NUP155: variants seen among roughly 807,000 people sequenced by gnomAD.
NUP155 encodes the protein nucleoporin 155.
In NUP155, 71 loss-of-function variants were observed where a neutral mutation model predicts 180.4. The ratio of observed to expected loss-of-function variants is 0.39; its 90% CI spans 0.33 to 0.48. The LOEUF (loss-of-function observed/expected upper bound fraction) is 0.48. Ranked by LOEUF, NUP155 falls within the 20% of genes least tolerant of loss-of-function variation. The pLI, the probability that NUP155 is intolerant of heterozygous loss-of-function variation, is 0.91. For missense variants in NUP155, 1,553 were observed against 1,648.9 expected (o/e 0.94, Z 1.01); for synonymous variants, 582 against 559.5 (o/e 1.04, Z -0.57).
Position 37,302,915 on chromosome 5 carries a change from G to T in NUP155, c.3318-7C>A. 6.2e-7 allele frequency: 1 copy of T among 1,613,664 alleles called. No homozygotes were observed. The highest frequency in any genetic ancestry group is 8.5e-7 in the Non-Finnish European group (1 of 1,179,836). Reference sequence around the variant, plus strand: ...CTGAAGTGAAATTTCTGTGCTAGAAGGGAAAACGCTTATTTTTAGTTACAC... The same window carrying T: ...CTGAAGTGAAATTTCTGTGCTAGAATGGAAAACGCTTATTTTTAGTTACAC... On this transcript the variant is annotated splice_polypyrimidine_tract_variant and splice_region_variant and intron_variant, in intron 28 of 34. Transcript: ENST00000231498.
At chr5:37,368,049 G>A (rs1438046696) in intron 1 of NUP155, among the ~76,000 whole-genome samples, 1 of 151,996 alleles carries the variant, frequency 6.6e-6, no homozygotes, top group East Asian at 1.9e-4. Flanking sequence ...CCAAAGTGCT[G>A]GGATTATGGG....
intron 1 of NUP155, among the ~76,000 whole-genome samples, chr5:37,364,667 C>T (rs528346438): frequency 1.0e-3 from 157 of 150,396 alleles, no homozygotes; most frequent in Non-Finnish European, 1.8e-3. Context: ...GATAGAGTCT[C>T]GCACTGTCGC....
At position 37,305,108 on chromosome 5, in the gene NUP155, T is replaced by G. The variant is rs1743078332; in HGVS notation, c.3006A>C (p.Pro1002=). The stretch of plus-strand genomic sequence containing the variant: ...GCATATTTGGATCAGATGACAACAC[T>G]GGAGGACCAGGTTTTTTGGGTACAC... ...SPSVPKKPGP[P]VLSSDPNMLS... The change falls in exon 26 of 35, where the codon CCA becomes CCC. Residue 1002 remains proline (P), a synonymous_variant. Transcript: ENST00000231498. 6.2e-7 allele frequency: 1 copy of G among 1,614,004 alleles called. No individual in the cohort carries two copies. Among genetic ancestry groups the G allele is most frequent in the South Asian group, 1.1e-5 (1 of 91,076 alleles).
At chr5:37,340,558 C>G (rs1222198183) in intron 11 of NUP155, among the ~76,000 whole-genome samples, 6 of 152,098 alleles carry the variant, frequency 3.9e-5, no homozygotes, top group African/African-American at 9.7e-5. Flanking sequence ...TATAGACCAA[C>G]AGAATAGAAC....
chr5:37,345,510 CA>C (rs570982659), intron 9 of NUP155, among the ~76,000 whole-genome samples: 546 of 67,128 alleles, frequency 8.1e-3, no homozygotes, highest in Middle Eastern at 0.025. Context: ...GACTCCATTT[CA>C]AAAAAAAAAA....
At chr5:37,357,554 T>A (rs1454196825) in intron 4 of NUP155, among the ~76,000 whole-genome samples, 1 of 151,500 alleles carries the variant, frequency 6.6e-6, no homozygotes, top group South Asian at 2.1e-4. Context: ...GCAAATAAAA[T>A]AAAATTCAAA....
At chr5:37,350,080 G>A (rs1008242401) in intron 7 of NUP155, 80 bp downstream of exon 7, 1 of 960,814 alleles carries the variant, frequency 1.0e-6, no homozygotes, top group Non-Finnish European at 1.7e-6. Context: ...AATTAAGAAT[G>A]ATAATTTCTG....
At chr5:37,356,408 C>T (rs781021160) in intron 4 of NUP155, among the ~76,000 whole-genome samples, 14 of 151,806 alleles carry the variant, frequency 9.2e-5, no homozygotes, top group Admixed American at 1.3e-4. Flanking sequence ...TTTGGGAGAC[C>T]GATGTGGGAG....
At chr5:37,368,212 T>C (rs976336878) in intron 1 of NUP155, among the ~76,000 whole-genome samples, 11 of 27,168 alleles carry the variant, frequency 4.0e-4, no homozygotes, top group South Asian at 3.3e-3. Context: ...GCCAGGCCTT[T>C]TTTTTTTTTT....
intron 1 of NUP155, among the ~76,000 whole-genome samples, chr5:37,366,658 C>CA (rs1464534142): frequency 8.5e-5 from 9 of 105,360 alleles, no homozygotes; most frequent in African/African-American, 3.2e-4. Flanking sequence ...AGGATAGTCT[C>CA]AATCTTTTTT....
At chr5:37,309,956 G>C (rs1056406769) in intron 23 of NUP155, among the ~76,000 whole-genome samples, 4 of 152,062 alleles carry the variant, frequency 2.6e-5, no homozygotes, top group African/African-American at 9.7e-5. Context: ...GCCGAGGCAG[G>C]AGAATCACTT....
At chr5:37,362,514 C>G (rs1308766915) in intron 3 of NUP155, among the ~76,000 whole-genome samples, 1 of 152,058 alleles carries the variant, frequency 6.6e-6, no homozygotes, top group Non-Finnish European at 1.5e-5. Context: ...TCTCGAACTC[C>G]CGACTGCAGG....
chr5:37,328,249 A>G, intron 17 of NUP155, 109 bp downstream of exon 17: 1 of 872,454 alleles, frequency 1.1e-6, no homozygotes, highest in Non-Finnish European at 1.8e-6. Context: ...AATTATATTT[A>G]TTTTCAAGGG....
At position 37,291,735 on chromosome 5, in the gene NUP155, A is replaced by G; in HGVS notation, c.*165T>C. 1.8e-6 allele frequency: 1 copy of G among 547,074 alleles called. No individual in the cohort carries two copies. The highest frequency in any genetic ancestry group is 3.6e-5 in the Admixed American group (1 of 27,912). The allele number at this position is 547,074 out of a possible 1,614,324, so 33.9% of individuals were successfully genotyped here. On this transcript the variant is annotated 3_prime_UTR_variant, in exon 35 of 35. Coordinates refer to ENST00000231498, the MANE Select transcript of NUP155 (RefSeq NM_153485.3). ...CTAAAAAACAAAATAGTCATAAAAAAGAATTCATTTAGCAAAGGTACTATT... is the reference window on the plus strand; with the variant it reads ...CTAAAAAACAAAATAGTCATAAAAAGGAATTCATTTAGCAAAGGTACTATT...
chr5:37,351,226 A>G lies in NUP155; in HGVS notation c.687T>C (p.Ala229=), dbSNP rs1197882996. The change falls in exon 6 of 35, where the codon GCT becomes GCC. Residue 229 remains alanine, a synonymous_variant. Transcript: ENST00000231498. ...CTTCATATAAACAGCCATCCTTTCC[A>G]GCCAAGAAAATTCTGCCATTATCAG... The part of the protein sequence containing the change: ...TSTDNGRIFL[A]GKDGCLYEVA... 6.2e-7 allele frequency: 1 copy of G among 1,613,850 alleles called. No homozygotes were observed. The highest frequency in any genetic ancestry group is 8.5e-7 in the Non-Finnish European group (1 of 1,179,926).
rs958907285 is a variant in NUP155, at chr5:37,307,579, T to C, written c.2768-147A>G. 3 of 800,496 alleles carry C rather than the reference T, an allele frequency of 3.7e-6. No homozygotes were observed. The African/African-American group carries it at 5.2e-5, about 14-fold the overall frequency. 49.6% of individuals were successfully genotyped at this position (800,496 alleles called of 1,614,324 possible). On this transcript the variant is annotated intron_variant, in intron 24 of 34. Coordinates refer to ENST00000231498, the MANE Select transcript of NUP155 (RefSeq NM_153485.3). ...TAACATAAAATATTTCTGATAGGTCTTCAGAAGGAAAAGGTCTTAATATGC... is the reference window on the plus strand; with the variant it reads ...TAACATAAAATATTTCTGATAGGTCCTCAGAAGGAAAAGGTCTTAATATGC...
chr5:37,335,072 T>C (rs949029147), intron 12 of NUP155, among the ~76,000 whole-genome samples: 2 of 150,690 alleles, frequency 1.3e-5, no homozygotes, highest in Admixed American at 1.3e-4. Context: ...GCAGGAGAAC[T>C]GCTTGAGCCC....
chr5:37,369,479 G>C (rs1206468101), intron 1 of NUP155, among the ~76,000 whole-genome samples: 1 of 152,216 alleles, frequency 6.6e-6, no homozygotes, highest in East Asian at 1.9e-4. Context: ...AAGAGACTGG[G>C]TGAAAGAGGA....
intron 24 of NUP155, 86 bp downstream of exon 24, chr5:37,309,043 C>CTT: frequency 7.0e-7 from 1 of 1,422,560 alleles, no homozygotes; most frequent in Non-Finnish European, 9.8e-7. Context: ...TGGAAAGTGG[C>CTT]TTTTCATCAT....
Sources: allele counts gnomAD v4.1 joint callset (sites outside exome capture counted in the v4.1 genomes callset), GRCh38; gene constraint gnomAD v4.1.1; transcripts MANE v1.5; gene names NCBI Gene and HGNC (gene_info 2026-07-23, HGNC 2026-07-21).